SNTB1: variants seen among roughly 807,000 people sequenced by gnomAD.
The protein encoded by SNTB1 is beta-1-syntrophin.
In SNTB1, 36 loss-of-function variants were observed where a neutral mutation model predicts 48.9. The observed-to-expected ratio is 0.74, with a 90% CI of 0.56 to 0.97. The LOEUF (loss-of-function observed/expected upper bound fraction) is 0.97. Among genes scored for constraint, SNTB1 ranks in the 50% least tolerant of loss-of-function variants. The probability of loss-of-function intolerance (pLI) is 0.00; values close to 1 mark genes in which losing one functional copy is unlikely to be tolerated. For synonymous variants in SNTB1, 299 were observed against 294.6 expected, an observed-to-expected ratio of 1.01 and a Z score of -0.15; for missense variants, 786 against 703.4, an observed-to-expected ratio of 1.12 and a Z score of -1.33.
At chr8:120,665,969 A>G (rs1817666876) in intron 2 of SNTB1, among the ~76,000 whole-genome samples, 2 of 152,176 alleles carry the variant, frequency 1.3e-5, no homozygotes, top group Non-Finnish European at 1.5e-5. Context: ...TTGCTGTAAC[A>G]TTATAAAAAG....
intron 4 of SNTB1, among the ~76,000 whole-genome samples, chr8:120,566,612 G>C (rs1212328508): frequency 6.6e-6 from 1 of 152,190 alleles, no homozygotes; most frequent in Non-Finnish European, 1.5e-5. Flanking sequence ...GAAGATGGGA[G>C]GCAGCAGCAC....
chr8:120,784,096 C>T (rs1042467163), intron 1 of SNTB1, among the ~76,000 whole-genome samples: 24 of 152,058 alleles, frequency 1.6e-4, no homozygotes, highest in Non-Finnish European at 7.4e-5. Flanking sequence ...TGGGTTCAAG[C>T]AATTCTCCTG....
intron 4 of SNTB1, among the ~76,000 whole-genome samples, chr8:120,554,426 G>A (rs1815531350): frequency 6.6e-6 from 1 of 152,128 alleles, no homozygotes; most frequent in South Asian, 2.1e-4. Context: ...TCATCCAGAC[G>A]TAGGACAATG....
intron 2 of SNTB1, among the ~76,000 whole-genome samples, chr8:120,681,743 T>C (rs1477278329): frequency 6.6e-6 from 1 of 152,280 alleles, no homozygotes; most frequent in East Asian, 1.9e-4. Context: ...AAGCAATAAC[T>C]CTATGTGAAT....
intron 1 of SNTB1, chr8:120,768,775 T>C (rs1430928415): frequency 6.6e-6 from 1 of 152,184 alleles, no homozygotes; most frequent in Non-Finnish European, 1.5e-5. Flanking sequence ...CTGCAAAAGA[T>C]GGCCAATAAT....
intron 3 of SNTB1, among the ~76,000 whole-genome samples, chr8:120,604,457 CTTTT>C (rs60947708): frequency 1.5e-5 from 2 of 132,962 alleles, no homozygotes; most frequent in Non-Finnish European, 1.6e-5. Flanking sequence ...GCTTTTGCTT[CTTTT>C]TTTTTTTTTT....
intron 2 of SNTB1, among the ~76,000 whole-genome samples, chr8:120,688,609 G>T (rs1327201611): frequency 6.6e-6 from 1 of 152,084 alleles, no homozygotes; most frequent in Non-Finnish European, 1.5e-5. Flanking sequence ...GACACAGAAG[G>T]TATAACAAGA....
chr8:120,758,145 G>T (rs1394408647), intron 1 of SNTB1, among the ~76,000 whole-genome samples: 1 of 152,146 alleles, frequency 6.6e-6, no homozygotes, highest in African/African-American at 2.4e-5. Flanking sequence ...GGAAAAAGAT[G>T]AAAAATTAAT....
At position 120,811,297 on chromosome 8, in the gene SNTB1, C is replaced by T; in HGVS notation, c.547G>A (p.Ala183Thr). Residue 183 changes from alanine to threonine, a missense_variant, in exon 1 of 7, where the codon GCG becomes ACG. By Grantham distance (58) the Ala-to-Thr change is moderately conservative. Coordinates refer to ENST00000517992, the MANE Select transcript of SNTB1 (RefSeq NM_021021.4). ...CCTTCCAGCAGCACTTCCTTGCCCG[C>T]GCGCTTCAACGCCTGCACCGCCTCG... ...HDEAVQALKR[A>T]GKEVLLEVKY... 6.2e-7 allele frequency: 1 copy of T among 1,605,540 alleles called. No individual in the cohort carries two copies. The highest frequency in any genetic ancestry group is 8.5e-7 in the Non-Finnish European group (1 of 1,178,910).
In SNTB1 at chr8:120,771,304, G is replaced by A. The variant is rs540747923; in HGVS notation, c.571+39969C>T. Among the ~76,000 whole-genome samples the A allele has an allele frequency of 2.0e-5, 3 of 152,308 alleles. No individual in the cohort carries two copies. The South Asian group carries it at 6.2e-4, about 32-fold the overall frequency. ...TTTATAAAATGGAAGAAAATGCTAG[G>A]TGGTGTGTTCTCTTTTCATTTCTAC... On this transcript the variant is annotated intron_variant, in intron 1 of 6. Transcript: ENST00000517992.
intron 1 of SNTB1, among the ~76,000 whole-genome samples, chr8:120,772,082 C>A (rs911360304): frequency 6.6e-6 from 1 of 152,036 alleles, no homozygotes; most frequent in African/African-American, 2.4e-5. Context: ...GTTGGCCAGG[C>A]TGGTTCGAAC....
intron 1 of SNTB1, among the ~76,000 whole-genome samples, chr8:120,758,108 T>C (rs1819348581): frequency 6.6e-6 from 1 of 152,178 alleles, no homozygotes; most frequent in African/African-American, 2.4e-5. Context: ...GATGTTGTAA[T>C]AGCTTTACAT....
At chr8:120,658,586 AG>A (rs1269229974) in intron 2 of SNTB1, among the ~76,000 whole-genome samples, 2 of 152,242 alleles carry the variant, frequency 1.3e-5, no homozygotes, top group Admixed American at 1.3e-4. Flanking sequence ...CAGTCTATTA[AG>A]CATGCAATGG....
Position 120,811,297 on chromosome 8 carries a change from C to A in SNTB1, c.547G>T (p.Ala183Ser). ...HDEAVQALKR[A>S]GKEVLLEVKY... ...CCTTCCAGCAGCACTTCCTTGCCCGCGCGCTTCAACGCCTGCACCGCCTCG... is the reference window on the plus strand; with the variant it reads ...CCTTCCAGCAGCACTTCCTTGCCCGAGCGCTTCAACGCCTGCACCGCCTCG... Residue 183 changes from alanine (A) to serine (S), a missense_variant, in exon 1 of 7, where the codon GCG becomes TCG. Transcript: ENST00000517992. 1.2e-6 allele frequency: 2 copies of A among 1,605,540 alleles called. No homozygotes were observed. The highest frequency in any genetic ancestry group is 1.1e-5 in the South Asian group (1 of 90,830).
chr8:120,737,487 T>C (rs533505426), intron 1 of SNTB1, among the ~76,000 whole-genome samples: 2 of 152,170 alleles, frequency 1.3e-5, no homozygotes, highest in Non-Finnish European at 2.9e-5. Flanking sequence ...AGAAAAGTAA[T>C]TTGTGTCCAA....
At chr8:120,790,124 T>G (rs1820003315) in intron 1 of SNTB1, among the ~76,000 whole-genome samples, 1 of 151,744 alleles carries the variant, frequency 6.6e-6, no homozygotes, top group Non-Finnish European at 1.5e-5. Flanking sequence ...CAAGAACAAT[T>G]AAAAACAAAA....
At chr8:120,620,977 C>T (rs947048979) in intron 3 of SNTB1, among the ~76,000 whole-genome samples, 3 of 149,922 alleles carry the variant, frequency 2.0e-5, no homozygotes, top group Non-Finnish European at 3.0e-5. Context: ...TCTTTCTCTC[C>T]CTCTCCCTCT....
chr8:120,695,114 C>T (rs1441497779), intron 1 of SNTB1, among the ~76,000 whole-genome samples: 2 of 152,094 alleles, frequency 1.3e-5, no homozygotes, highest in African/African-American at 4.8e-5. Context: ...CTCTCTATCA[C>T]CCACATACTC....
In SNTB1 at chr8:120,700,193, G is replaced by A. The variant is rs185906782; in HGVS notation, c.572-6285C>T. 5.6e-3 allele frequency among the ~76,000 whole-genome samples: 848 copies of A among 152,122 alleles called. 12 individuals are homozygous for A. The highest frequency in any genetic ancestry group is 0.019 in the African/African-American group (800 of 41,470). Reference sequence around the variant, plus strand: ...TGTGTGTGTGTTTGTGTGTGTGTGCGTGTATTTAAGTCAATATTTTTATGT... The same window carrying A: ...TGTGTGTGTGTTTGTGTGTGTGTGCATGTATTTAAGTCAATATTTTTATGT... On this transcript the variant is annotated intron_variant, in intron 1 of 6. Transcript: ENST00000517992.
Sources: gnomAD v4.1 joint callset for allele counts (sites outside exome capture counted in the v4.1 genomes callset) on GRCh38, gnomAD v4.1.1 for gene constraint, MANE v1.5 for transcripts, NCBI Gene and HGNC (gene_info 2026-07-23, HGNC 2026-07-21) for gene names.